Variants in SMAD7 observed in about 807,000 individuals in gnomAD.
SMAD7 encodes SMAD family member 7, also known as MAD (mothers against decapentaplegic, Drosophila) homolog 7.
A neutral mutation model predicts 38.7 loss-of-function variants in SMAD7; 8 were observed. That is an observed-to-expected ratio of 0.21 (90% CI 0.12 to 0.37). The LOEUF (loss-of-function observed/expected upper bound fraction) is 0.37. SMAD7 is among the 10% of genes least tolerant of loss of function. The pLI, the probability that SMAD7 is intolerant of heterozygous loss-of-function variation, is 1.00. For synonymous variants in SMAD7, 327 were observed against 265.1 expected (o/e 1.23, Z -2.27); for missense variants, 477 against 577.9 (o/e 0.83, Z 1.79).
intron 3 of SMAD7, among the ~76,000 whole-genome samples, chr18:48,936,763 ATGACACAG>A (rs2070072085): frequency 6.6e-6 from 1 of 152,166 alleles, no homozygotes; most frequent in African/African-American, 2.4e-5. Flanking sequence ...GCAAGGAATT[ATGACACAG>A]TAACAACAAT....
At chr18:48,944,247 A>AT (rs2070173101) in intron 2 of SMAD7, among the ~76,000 whole-genome samples, 1 of 152,204 alleles carries the variant, frequency 6.6e-6, no homozygotes, top group Non-Finnish European at 1.5e-5. Flanking sequence ...CACATTAAAC[A>AT]TAATGACTTA....
chr18:48,949,564 C>T (rs1268906534), intron 1 of SMAD7, among the ~76,000 whole-genome samples: 1 of 152,182 alleles, frequency 6.6e-6, no homozygotes, highest in African/African-American at 2.4e-5. Context: ...CGGGGCAACA[C>T]AGGAGAAAAC....
In SMAD7 at chr18:48,948,432, G is replaced by A; in HGVS notation, c.619C>T (p.Pro207Ser). The A allele has an allele frequency of 6.3e-7, 1 of 1,593,354 alleles. No homozygotes were observed. The highest frequency in any genetic ancestry group is 8.5e-7 in the Non-Finnish European group (1 of 1,171,544). The change falls in exon 2 of 4, where the codon CCC becomes TCC. Residue 207 changes from proline to serine, a missense_variant. Pro to Ser is a moderately conservative substitution (Grantham distance 74). Coordinates refer to ENST00000262158, the MANE Select transcript of SMAD7 (RefSeq NM_005904.4). ...HLSRLCELES[P>S]PPPYSRYPMD... ...GGGTATCTGGAGTAAGGAGGGGGGG[G>A]AGACTCTGAAATTAAAAAAGCAAGA...
chr18:48,928,580 C>A (rs1006479477), intron 3 of SMAD7, among the ~76,000 whole-genome samples: 1 of 152,156 alleles, frequency 6.6e-6, no homozygotes, highest in Non-Finnish European at 1.5e-5. Context: ...TCTGCCCAGG[C>A]TTGGTTCCCT....
In SMAD7 at chr18:48,950,203, A is replaced by G. The variant is rs1190180333; in HGVS notation, c.222T>C (p.His74=). The G allele has an allele frequency of 6.7e-7, 1 of 1,492,188 alleles. No homozygotes were observed. Among genetic ancestry groups the G allele is most frequent in the Non-Finnish European group, 8.9e-7 (1 of 1,126,408 alleles). 92.4% of individuals were successfully genotyped at this position (1,492,188 alleles called of 1,614,324 possible). A position where few individuals can be genotyped will look rare whatever the true frequency, so the allele number is the denominator to read the frequency against. The change falls in exon 1 of 4, where the codon CAT becomes CAC. Residue 74 remains histidine, a synonymous_variant. Transcript: ENST00000262158. The stretch of plus-strand genomic sequence containing the variant: ...CGGCGCCCGCGGCTGGCGGGTGGGG[A>G]TGGTGGTGACCTTTGGCACCTCGCA... ...KAVRGAKGHH[H]PHPPAAGAGA... is the part of the protein sequence containing the mutation.
chr18:48,934,093 C>T (rs915864867), intron 3 of SMAD7, among the ~76,000 whole-genome samples: 55 of 152,088 alleles, frequency 3.6e-4, no homozygotes, highest in African/African-American at 1.3e-3. Flanking sequence ...AACCCAGAGA[C>T]AAAAAATGGA....
chr18:48,946,414 A>G (rs1195861341), intron 2 of SMAD7, among the ~76,000 whole-genome samples: 2 of 143,186 alleles, frequency 1.4e-5, no homozygotes, highest in Non-Finnish European at 3.1e-5. Flanking sequence ...AACCAGCCCC[A>G]GACCTGTGAG....
chr18:48,948,561 C>T, intron 1 of SMAD7, 124 bp from the exon 2 acceptor site: 1 of 628,214 alleles, frequency 1.6e-6, no homozygotes, highest in South Asian at 2.1e-5. Flanking sequence ...GGAGGCAGGG[C>T]CGCGAGGCGG....
chr18:48,940,450 G>A (rs2070124239), intron 3 of SMAD7, among the ~76,000 whole-genome samples: 1 of 151,986 alleles, frequency 6.6e-6, no homozygotes, highest in Non-Finnish European at 1.5e-5. Context: ...GAGCTTTGGG[G>A]AAAAAAAGCC....
chr18:48,948,415 G>C lies in SMAD7; in HGVS notation c.636C>G (p.Ser212=). ...CELESPPPPY[S]RYPMDFLKPT... is the part of the protein sequence containing the mutation. Reference sequence around the variant, plus strand: ...GTTTGAGAAAATCCATCGGGTATCTGGAGTAAGGAGGGGGGGGAGACTCTG... The same window carrying C: ...GTTTGAGAAAATCCATCGGGTATCTCGAGTAAGGAGGGGGGGGAGACTCTG... The change falls in exon 2 of 4, where the codon TCC becomes TCG. Residue 212 remains serine, a synonymous_variant. Coordinates refer to ENST00000262158, the MANE Select transcript of SMAD7 (RefSeq NM_005904.4). The C allele has an allele frequency of 6.2e-7, 1 of 1,601,584 alleles. No homozygotes were observed. Among genetic ancestry groups the C allele is most frequent in the South Asian group, 1.1e-5 (1 of 88,634 alleles).
chr18:48,932,125 C>G (rs1297771336), intron 3 of SMAD7, among the ~76,000 whole-genome samples: 1 of 152,148 alleles, frequency 6.6e-6, no homozygotes, highest in Non-Finnish European at 1.5e-5. Context: ...GGGGGTGGGG[C>G]AGGGCTGGCT....
chr18:48,944,913 C>T (rs2070179585), intron 2 of SMAD7, among the ~76,000 whole-genome samples: 1 of 152,230 alleles, frequency 6.6e-6, no homozygotes, highest in South Asian at 2.1e-4. Flanking sequence ...GAAAAAGACT[C>T]ATTCCTTTCT....
chr18:48,927,815 C>T (rs1221141679), intron 3 of SMAD7, among the ~76,000 whole-genome samples: 1 of 152,194 alleles, frequency 6.6e-6, no homozygotes, highest in Non-Finnish European at 1.5e-5. Context: ...TAAGCATTTA[C>T]TTTGCATAGG....
At chr18:48,931,856 G>A (rs1484469549) in intron 3 of SMAD7, among the ~76,000 whole-genome samples, 2 of 152,240 alleles carry the variant, frequency 1.3e-5, no homozygotes, top group Admixed American at 6.5e-5. Context: ...TGCTGGCCCC[G>A]ACATTGTAAT....
In SMAD7 at chr18:48,950,330, C is replaced by T. The variant is rs1181138808; in HGVS notation, c.95G>A (p.Gly32Glu). 3 of 1,540,004 alleles carry T rather than the reference C, an allele frequency of 1.9e-6. No individual in the cohort carries two copies. Among genetic ancestry groups the T allele is most frequent in the Non-Finnish European group, 2.6e-6 (3 of 1,142,810 alleles). The change falls in exon 1 of 4, where the codon GGA (glycine) becomes GAA (glutamate). Residue 32 changes from glycine (G) to glutamate (E), a missense_variant. Physicochemically the swap from Gly to Glu is moderately conservative, Grantham distance 98 (BLOSUM62 -2). Transcript: ENST00000262158. ...EDEEEGAGGG[G>E]GGGELRGEGA... ...TTCTCCCCGCAGCTCGCCTCCTCCT[C>T]CACCTCCCCCTGCGCCCTCCTCCTC...
At position 48,938,283 on chromosome 18, in the gene SMAD7, C is replaced by T. The variant is rs1261430940; in HGVS notation, c.742+4198G>A. ...CTGACTCAAGGACGCTCCCATCCCCCAGACTTGGGGACTAGTAGCCACATA... is the reference window on the plus strand; with the variant it reads ...CTGACTCAAGGACGCTCCCATCCCCTAGACTTGGGGACTAGTAGCCACATA... On this transcript the variant is annotated intron_variant, in intron 3 of 3. Coordinates refer to ENST00000262158, the MANE Select transcript of SMAD7 (RefSeq NM_005904.4). Among the ~76,000 whole-genome samples the T allele has an allele frequency of 2.0e-5, 3 of 152,336 alleles. No individual in the cohort carries two copies. In the East Asian group the frequency reaches 5.8e-4, roughly 29 times the overall value.
intron 3 of SMAD7, among the ~76,000 whole-genome samples, chr18:48,925,515 G>A (rs1021962529): frequency 6.6e-6 from 1 of 152,110 alleles, no homozygotes; most frequent in East Asian, 1.9e-4. Context: ...TGAGAAAGGA[G>A]AGGACTTCAG....
chr18:48,948,485 G>A (rs1372728297), intron 1 of SMAD7, 48 bp from the exon 2 acceptor site: 2 of 1,373,938 alleles, frequency 1.5e-6, no homozygotes, highest in African/African-American at 1.5e-5. Flanking sequence ...CATGAGAAGA[G>A]AGATAGAAAC....
chr18:48,941,443 A>G (rs1254204794), intron 3 of SMAD7, among the ~76,000 whole-genome samples: 1 of 152,182 alleles, frequency 6.6e-6, no homozygotes, highest in Non-Finnish European at 1.5e-5. Context: ...ACTTTGCCTG[A>G]GCCAGCCATG....
Sources: allele counts gnomAD v4.1 joint callset (sites outside exome capture counted in the v4.1 genomes callset), GRCh38; gene constraint gnomAD v4.1.1; transcripts MANE v1.5; gene names NCBI Gene and HGNC (gene_info 2026-07-23, HGNC 2026-07-21).